Variants in RTTN observed in about 807,000 individuals in gnomAD.
The protein encoded by RTTN is rotatin.
A neutral mutation model predicts 269.2 loss-of-function variants in RTTN; 182 were observed. The observed-to-expected ratio is 0.68, with a 90% CI of 0.60 to 0.76. The LOEUF (loss-of-function observed/expected upper bound fraction) is 0.76. Among genes scored for constraint, RTTN ranks in the 30% least tolerant of loss-of-function variants. RTTN has a pLI of 0.00. For synonymous variants in RTTN, 1,006 were observed against 963.5 expected (o/e 1.04, Z -0.82); for missense variants, 2,545 against 2,608.6 (o/e 0.98, Z 0.53).
Position 70,006,320 on chromosome 18 carries a change from T to G in RTTN, c.6525+61A>C. On this transcript the variant is annotated intron_variant, in intron 47 of 48. Coordinates refer to ENST00000640769, the MANE Select transcript of RTTN (RefSeq NM_173630.4). The stretch of plus-strand genomic sequence containing the variant: ...CACCTTTGGATGTATCCTAAGAGTT[T>G]ATACCTGGGTTATACCTTGTTGTTT... 7.6e-6 allele frequency: 9 copies of G among 1,183,896 alleles called. No homozygotes were observed. In the South Asian group the frequency reaches 9.8e-5, roughly 13 times the overall value. The allele number at this position is 1,183,896 out of a possible 1,614,324, so 73.3% of individuals were successfully genotyped here.
At chr18:70,074,410 CA>C (rs1456676540) in intron 33 of RTTN, among the ~76,000 whole-genome samples, 2 of 152,106 alleles carry the variant, frequency 1.3e-5, no homozygotes, top group African/African-American at 4.8e-5. Flanking sequence ...AAAACTTCAT[CA>C]AATCTCATTT....
At chr18:70,080,908 A>G (rs2058546708) in intron 32 of RTTN, among the ~76,000 whole-genome samples, 1 of 150,564 alleles carries the variant, frequency 6.6e-6, no homozygotes, top group Admixed American at 6.7e-5. Context: ...CAATGAGTGG[A>G]TAAACTGGTG....
intron 43 of RTTN, among the ~76,000 whole-genome samples, chr18:70,025,854 T>G (rs79362948): frequency 6.6e-5 from 10 of 152,338 alleles, no homozygotes; most frequent in African/African-American, 2.4e-4. Context: ...GATTGATACA[T>G]CCATCTGTGT....
rs758904451 is a variant in RTTN, at chr18:70,048,156, T to C, written c.5356A>G (p.Thr1786Ala). The C allele has an allele frequency of 3.7e-6, 6 of 1,614,094 alleles. No individual in the cohort carries two copies. In the South Asian group the frequency reaches 5.5e-5, roughly 15 times the overall value. ...CTGGCAGTATACAGGGCAGGACACG[T>C]GGCAGACAAGCCTGCACATGTGCAG... ...MFCTCAGLSA[T>A]CPALYTASLQ... The change falls in exon 40 of 49, where the codon ACG (threonine) becomes GCG (alanine). Residue 1786 changes from threonine to alanine, a missense_variant. Coordinates refer to ENST00000640769, the MANE Select transcript of RTTN (RefSeq NM_173630.4).
intron 38 of RTTN, chr18:70,053,265 A>G (rs774005766): frequency 6.6e-6 from 1 of 152,218 alleles, no homozygotes; most frequent in Non-Finnish European, 1.5e-5. Context: ...CCTACAAACT[A>G]TTTTAATTTC....
chr18:70,048,024 C>A lies in RTTN; in HGVS notation c.5488G>T (p.Asp1830Tyr). The change falls in exon 40 of 49, where the codon GAC becomes TAC. Residue 1830 changes from aspartate to tyrosine, a missense_variant. Asp to Tyr is a radical substitution (Grantham distance 160, BLOSUM62 -3). Coordinates refer to ENST00000640769, the MANE Select transcript of RTTN (RefSeq NM_173630.4). ...AGAGATTTCTGATTTTCCTGAGAGTCATCAAGAAGTGAAGCCACTGTTGGA... is the reference window on the plus strand; with the variant it reads ...AGAGATTTCTGATTTTCCTGAGAGTAATCAAGAAGTGAAGCCACTGTTGGA... ...CSPTVASLLD[D>Y]SQENQKSLEQ... The A allele has an allele frequency of 6.2e-7, 1 of 1,614,102 alleles. No individual in the cohort carries two copies. Among genetic ancestry groups the A allele is most frequent in the South Asian group, 1.1e-5 (1 of 91,070 alleles).
chr18:70,010,108 A>G (rs1172454627), intron 46 of RTTN, among the ~76,000 whole-genome samples: 2 of 152,218 alleles, frequency 1.3e-5, no homozygotes, highest in Admixed American at 6.5e-5. Context: ...AGACCTACAA[A>G]GAGACTTAGA....
rs147989570 is a variant in RTTN at position 70,089,909 on chromosome 18, G to A, written c.4144-1762C>T. On this transcript the variant is annotated intron_variant, in intron 30 of 48. Coordinates refer to ENST00000640769, the MANE Select transcript of RTTN (RefSeq NM_173630.4). The stretch of plus-strand genomic sequence containing the variant: ...TGAATTAAAGAAGGAATTAAGAATG[G>A]GTAAGCAAAAAGAAACAAGAACAAG... 6.6e-5 allele frequency among the ~76,000 whole-genome samples: 10 copies of A among 152,156 alleles called. No individual in the cohort carries two copies. In the East Asian group the frequency reaches 1.9e-3, roughly 29 times the overall value.
At chr18:70,148,775 C>T in intron 17 of RTTN, 126 bp downstream of exon 17, 1 of 1,126,532 alleles carries the variant, frequency 8.9e-7, no homozygotes, top group East Asian at 2.6e-5. Flanking sequence ...CATTGGTTTC[C>T]TCTAGTAATG....
intron 14 of RTTN, among the ~76,000 whole-genome samples, chr18:70,154,070 A>G (rs2060610723): frequency 2.0e-5 from 3 of 152,176 alleles, no homozygotes; most frequent in Admixed American, 2.0e-4. Context: ...ATATTCTTTC[A>G]GTTTAAATTT....
chr18:70,150,691 G>C lies in RTTN; in HGVS notation c.1972C>G (p.Leu658Val). 1 of 1,609,302 alleles carries C rather than the reference G, an allele frequency of 6.2e-7. No individual in the cohort carries two copies. The highest frequency in any genetic ancestry group is 1.1e-5 in the South Asian group (1 of 90,928). The change falls in exon 15 of 49, where the codon CTT (leucine) becomes GTT (valine). Residue 658 changes from leucine (L) to valine (V), a missense_variant. Physicochemically the swap from Leu to Val is conservative, Grantham distance 32. Coordinates refer to ENST00000640769, the MANE Select transcript of RTTN (RefSeq NM_173630.4). ...AGTAGAAAATGAATTCCATTGCAAA[G>C]TGAAGACACGGGTTTAGTGACATTA... ...VHNVTKPVSS[L>V]CNGIHFLLHP...
chr18:70,176,091 G>A (rs948950741), intron 11 of RTTN, among the ~76,000 whole-genome samples: 8 of 151,950 alleles, frequency 5.3e-5, no homozygotes, highest in African/African-American at 9.7e-5. Context: ...AAATGTATTC[G>A]TATATTAAGA....
At chr18:70,058,413 G>T (rs1214400081) in intron 36 of RTTN, among the ~76,000 whole-genome samples, 2 of 152,140 alleles carry the variant, frequency 1.3e-5, no homozygotes, top group Admixed American at 1.3e-4. Context: ...AGCTACTCAG[G>T]AGGTTGAGAC....
At chr18:70,031,742 G>C (rs950913085) in intron 40 of RTTN, among the ~76,000 whole-genome samples, 12 of 151,198 alleles carry the variant, frequency 7.9e-5, no homozygotes, top group African/African-American at 2.9e-4. Context: ...CCCACTGAGG[G>C]ACTGGGACAC....
At chr18:70,196,465 A>G in intron 7 of RTTN, 36 bp downstream of exon 7, 1 of 1,571,572 alleles carries the variant, frequency 6.4e-7, no homozygotes, top group Non-Finnish European at 8.7e-7. Context: ...ATCTACAAAT[A>G]ACACCAGTGG....
rs555745507 is a variant in RTTN, at chr18:70,104,161, G to A, written c.3903+5337C>T. 7.2e-4 allele frequency among the ~76,000 whole-genome samples: 109 copies of A among 152,226 alleles called. 1 individual carries two copies. The South Asian group carries it at 8.5e-3, about 12-fold the overall frequency. On this transcript the variant is annotated intron_variant, in intron 28 of 48. Transcript: ENST00000640769. The stretch of plus-strand genomic sequence containing the variant: ...AGATTTGGTCTTTTCACATAGTCCC[G>A]TATTTCTTGGAGGCTTTGTTTGTTT...
rs2060513125 is a variant in RTTN at position 70,150,682 on chromosome 18, C to T, written c.1981G>A (p.Gly661Arg). Residue 661 changes from glycine (G) to arginine (R), a missense_variant, in exon 15 of 49, where the codon GGA (glycine) becomes AGA (arginine). Transcript: ENST00000640769. The stretch of plus-strand genomic sequence containing the variant: ...TTTGGATGAAGTAGAAAATGAATTC[C>T]ATTGCAAAGTGAAGACACGGGTTTA... ...VTKPVSSLCN[G>R]IHFLLHPKVL... 1 of 1,610,698 alleles carries T rather than the reference C, an allele frequency of 6.2e-7. No homozygotes were observed. The highest frequency in any genetic ancestry group is 1.3e-5 in the African/African-American group (1 of 74,910).
intron 40 of RTTN, among the ~76,000 whole-genome samples, chr18:70,038,307 C>T (rs2057237379): frequency 6.6e-6 from 1 of 152,090 alleles, no homozygotes; most frequent in Non-Finnish European, 1.5e-5. Flanking sequence ...TGAGAGAAAC[C>T]CAGTGTTGTG....
intron 4 of RTTN, among the ~76,000 whole-genome samples, chr18:70,200,537 G>A (rs896860741): frequency 6.6e-6 from 1 of 152,168 alleles, no homozygotes; most frequent in Admixed American, 6.5e-5. Flanking sequence ...CAAAAACAAA[G>A]CTTGCTACAA....
Sources: allele counts gnomAD v4.1 joint callset (sites outside exome capture counted in the v4.1 genomes callset), GRCh38; gene constraint gnomAD v4.1.1; transcripts MANE v1.5; gene names NCBI Gene and HGNC (gene_info 2026-07-23, HGNC 2026-07-21).